FOSL1: variants seen among roughly 807,000 people sequenced by gnomAD.
The protein encoded by FOSL1 is FOS like 1, AP-1 transcription factor subunit, also known as fos-related antigen 1.
Under a neutral mutation model 24.9 loss-of-function variants are expected in FOSL1, and 14 were observed. That is an observed-to-expected ratio of 0.56 (90% CI 0.37 to 0.88). The LOEUF (loss-of-function observed/expected upper bound fraction) is 0.88, where lower values mean the gene tolerates loss of function less well. Among genes scored for constraint, FOSL1 ranks in the 40% least tolerant of loss-of-function variants. The probability of loss-of-function intolerance (pLI) is 0.00; values close to 1 mark genes in which losing one functional copy is unlikely to be tolerated. For missense variants in FOSL1, 318 were observed against 359.8 expected, an observed-to-expected ratio of 0.88 and a Z score of 0.94; for synonymous variants, 133 against 145.1, an observed-to-expected ratio of 0.92 and a Z score of 0.60.
At chr11:65,900,391 C>T (rs1860646788), upstream of FOSL1, 2 of 1,012,094 alleles carry the variant, frequency 2.0e-6, no homozygotes, top group Non-Finnish European at 2.5e-6. Context: ...TCTGACTCAC[C>T]CGCGCCGTGC....
Position 65,896,953 on chromosome 11 carries a change from C to T in FOSL1, c.153G>A (p.Gln51=). The change falls in exon 2 of 4, where the codon CAG becomes CAA. Residue 51 remains glutamine (Q), a synonymous_variant. Transcript: ENST00000312562. The part of the protein sequence containing the change: ...INTMSGSQEL[Q]WMVQPHFLGP... ...CCAGGAAATGAGGCTGTACCATCCA[C>T]TGCAGCTCCTGACTGCCACTCATGG... is the stretch of plus-strand genomic sequence containing the variant. The T allele has an allele frequency of 6.2e-7, 1 of 1,614,164 alleles. No homozygotes were observed. Among genetic ancestry groups the T allele is most frequent in the Non-Finnish European group, 8.5e-7 (1 of 1,180,014 alleles).
chr11:65,899,655 G>A (rs1263081671), intron 1 of FOSL1, among the ~76,000 whole-genome samples: 2 of 152,248 alleles, frequency 1.3e-5, no homozygotes, highest in East Asian at 3.8e-4. Context: ...CGGGGACCTG[G>A]CAGGTTCCAC....
chr11:65,896,803 C>T lies in FOSL1; in HGVS notation c.297+6G>A. The T allele has an allele frequency of 6.3e-7, 1 of 1,599,152 alleles. No homozygotes were observed. The highest frequency in any genetic ancestry group is 8.5e-7 in the Non-Finnish European group (1 of 1,171,508). ...TCGGAACCACTGCAATGCCTCTGTG[C>T]CTTACCTGTTCACAAGGCCTTCGAC... On this transcript the variant is annotated splice_donor_region_variant and intron_variant, in intron 2 of 3. Coordinates refer to ENST00000312562, the MANE Select transcript of FOSL1 (RefSeq NM_005438.5).
chr11:65,893,284 GT>G lies in FOSL1; in HGVS notation c.417del (p.Lys139AsnfsTer23). 1 of 1,608,650 alleles carries G rather than the reference GT, an allele frequency of 6.2e-7. No individual in the cohort carries two copies. On this transcript the variant is annotated frameshift_variant, in exon 4 of 4. Coordinates refer to ENST00000312562, the MANE Select transcript of FOSL1 (RefSeq NM_005438.5). LOFTEE classifies it high-confidence loss of function. ...TGCAGCCCAGATTTCTCATCTTCCA[GT>G]TTGTCAGTCTCCTGTAGAAGATCAG... Reference protein sequence around the residue: ...LTDFLQAETDKLEDEKSGLQR... With the variant: ...LTDFLQAETDXLEDEKSGLQR...
In FOSL1 at chr11:65,899,000, A is replaced by C. The variant is rs192800608; in HGVS notation, c.99+1241T>G. Reference sequence around the variant, plus strand: ...AAAGAAAAGAAAGAGAAGGAAAGAAAATTAGTGGCATAAAGTTATAGTGGG... The same window carrying C: ...AAAGAAAAGAAAGAGAAGGAAAGAACATTAGTGGCATAAAGTTATAGTGGG... On this transcript the variant is annotated intron_variant, in intron 1 of 3. Coordinates refer to ENST00000312562, the MANE Select transcript of FOSL1 (RefSeq NM_005438.5). Among the ~76,000 whole-genome samples the C allele has an allele frequency of 2.0e-5, 3 of 151,292 alleles. No homozygotes were observed. The East Asian group carries it at 5.8e-4, about 29-fold the overall frequency.
At chr11:65,899,587 C>G (rs756982795) in intron 1 of FOSL1, among the ~76,000 whole-genome samples, 23 of 152,250 alleles carry the variant, frequency 1.5e-4, no homozygotes, top group Non-Finnish European at 2.8e-4. Context: ...CCGCGCACGT[C>G]CCGGAACCTC....
Position 65,892,889 on chromosome 11 carries a change from C to T in FOSL1, c.813G>A (p.Leu271=), listed in dbSNP as rs2134788260. The change falls in exon 4 of 4, where the codon TTG becomes TTA. Residue 271 remains leucine (L), a synonymous_variant. Transcript: ENST00000312562. Reference sequence around the variant, plus strand: ...CAGGGAGTAGGGCTCAGGCGCCTCACAAAGCGAGGAGGGTTGGAGAGCCAA... The same window carrying T: ...CAGGGAGTAGGGCTCAGGCGCCTCATAAAGCGAGGAGGGTTGGAGAGCCAA... ...DPLGSPTLLA[L] The T allele has an allele frequency of 6.2e-7, 1 of 1,610,708 alleles. No individual in the cohort carries two copies. Among genetic ancestry groups the T allele is most frequent in the Middle Eastern group, 2.2e-4 (1 of 4,534 alleles).
In FOSL1 at chr11:65,900,316, G is replaced by C. The variant is rs918930628; in HGVS notation, c.24C>G (p.Pro8=). 1.6e-6 allele frequency: 2 copies of C among 1,243,488 alleles called. No homozygotes were observed. Among genetic ancestry groups the C allele is most frequent in the African/African-American group, 3.1e-5 (2 of 64,472 alleles). The allele number at this position is 1,243,488 out of a possible 1,614,324, so 77.0% of individuals were successfully genotyped here. A position where few individuals can be genotyped will look rare whatever the true frequency, so the allele number is the denominator to read the frequency against. MFRDFGE[P]GPSSGNGGGY... is the part of the protein sequence containing the mutation. ...CGCCGCCGTTCCCGGAGCTCGGGCC[G>C]GGTTCCCCGAAGTCTCGGAACATGC... The change falls in exon 1 of 4, where the codon CCC becomes CCG. Residue 8 remains proline, a synonymous_variant. Transcript: ENST00000312562.
At chr11:65,897,131 A>G in intron 1 of FOSL1, 125 bp from the exon 2 acceptor site, 2 of 729,552 alleles carry the variant, frequency 2.7e-6, no homozygotes, top group Non-Finnish European at 2.3e-6. Flanking sequence ...GAAAGAGCAC[A>G]GCTTGGCAGT....
rs1860438926 is a variant in FOSL1 at position 65,893,260 on chromosome 11, G to A, written c.442C>T (p.Gln148Ter). The A allele has an allele frequency of 6.2e-7, 1 of 1,612,788 alleles. No individual in the cohort carries two copies. The highest frequency in any genetic ancestry group is 8.5e-7 in the Non-Finnish European group (1 of 1,179,382). Residue 148 changes from glutamine to a stop codon, truncating the protein, a stop_gained, in exon 4 of 4, where the codon CAG becomes TAG. Transcript: ENST00000312562. LOFTEE classifies it high-confidence loss of function. ...TTCTGCAGCTCCTCAATCTCTCGCT[G>A]CAGCCCAGATTTCTCATCTTCCAGT... The part of the protein sequence containing the change: ...DKLEDEKSGL[Q>*]REIEELQKQK...
intron 1 of FOSL1, among the ~76,000 whole-genome samples, chr11:65,898,231 G>C (rs769265613): frequency 2.6e-5 from 4 of 152,028 alleles, no homozygotes; most frequent in African/African-American, 7.2e-5. Context: ...AGTAGAGACA[G>C]GGTTTCACTA....
At chr11:65,893,406 G>T in intron 3 of FOSL1, 110 bp from the exon 4 acceptor site, 2 of 776,028 alleles carry the variant, frequency 2.6e-6, no homozygotes, top group East Asian at 2.5e-5. Context: ...GGGAGAGGGG[G>T]GGCAGTGGAG....
At position 65,893,223 on chromosome 11, in the gene FOSL1, C is replaced by T. The variant is rs777020164; in HGVS notation, c.479G>A (p.Arg160His). ...GTGGGCTTCCAGCACCAGCTCTAGG[C>T]GCTCCTTCTGCTTCTGCAGCTCCTC... ...EIEELQKQKE[R>H]LELVLEAHRP... is the part of the protein sequence containing the mutation. The change falls in exon 4 of 4, where the codon CGC becomes CAC. Residue 160 changes from arginine (R) to histidine (H), a missense_variant. By Grantham distance (29) the Arg-to-His change is conservative. Transcript: ENST00000312562. The T allele has an allele frequency of 3.5e-5, 57 of 1,614,006 alleles. No homozygotes were observed. The highest frequency in any genetic ancestry group is 1.7e-4 in the Middle Eastern group (1 of 6,042).
chr11:65,896,974 C>T lies in FOSL1; in HGVS notation c.132G>A (p.Met44Ile). ...TCCACTGCAGCTCCTGACTGCCACT[C>T]ATGGTGTTGATGCTTGGCACCAGGT... ...KFHLVPSINT[M>I]SGSQELQWMV... The change falls in exon 2 of 4, where the codon ATG (methionine) becomes ATA (isoleucine). Residue 44 changes from methionine to isoleucine, a missense_variant. Coordinates refer to ENST00000312562, the MANE Select transcript of FOSL1 (RefSeq NM_005438.5). 3.1e-6 allele frequency: 5 copies of T among 1,614,170 alleles called. No individual in the cohort carries two copies. Among genetic ancestry groups the T allele is most frequent in the African/African-American group, 1.3e-5 (1 of 75,042 alleles).
At chr11:65,893,696 C>A (rs1436966420) in intron 3 of FOSL1, among the ~76,000 whole-genome samples, 2 of 151,678 alleles carry the variant, frequency 1.3e-5, no homozygotes, top group Non-Finnish European at 2.9e-5. Flanking sequence ...CAGGCTGAGG[C>A]ATAAGAATTG....
intron 3 of FOSL1, 123 bp downstream of exon 3, chr11:65,893,891 C>T: frequency 4.2e-6 from 3 of 712,756 alleles, no homozygotes; most frequent in Non-Finnish European, 7.5e-6. Context: ...CATCATTTTC[C>T]CAGAAGGACT....
At chr11:65,895,380 T>C (rs1464893124) in intron 2 of FOSL1, among the ~76,000 whole-genome samples, 1 of 152,166 alleles carries the variant, frequency 6.6e-6, no homozygotes, top group African/African-American at 2.4e-5. Context: ...TTCCTTGGCC[T>C]CCCAAAGTGC....
At chr11:65,897,632 G>A (rs1860561171) in intron 1 of FOSL1, among the ~76,000 whole-genome samples, 2 of 152,000 alleles carry the variant, frequency 1.3e-5, no homozygotes, top group African/African-American at 4.8e-5. Context: ...GAACCACAGC[G>A]CCCAGCCTAG....
intron 2 of FOSL1, among the ~76,000 whole-genome samples, chr11:65,894,767 G>A (rs935728047): frequency 1.3e-5 from 2 of 151,498 alleles, no homozygotes; most frequent in African/African-American, 4.9e-5. Context: ...AGTGATTCTC[G>A]TGCCTCAGCC....
Sources: allele counts gnomAD v4.1 joint callset (sites outside exome capture counted in the v4.1 genomes callset), GRCh38; gene constraint gnomAD v4.1.1; transcripts MANE v1.5; gene names NCBI Gene and HGNC (gene_info 2026-07-23, HGNC 2026-07-21).